Variants in USP34 observed in about 807,000 individuals in gnomAD.
The protein encoded by USP34 is ubiquitin specific peptidase 34, also known as ubiquitin carboxyl-terminal hydrolase 34.
In USP34, 70 loss-of-function variants were observed where a neutral mutation model predicts 460.3. The ratio of observed to expected loss-of-function variants is 0.15; its 90% CI spans 0.13 to 0.19. The LOEUF (loss-of-function observed/expected upper bound fraction) is 0.19, where lower values mean the gene tolerates loss of function less well. Ranked by LOEUF, USP34 falls within the 10% of genes least tolerant of loss-of-function variation. The pLI is 1.00. For missense variants in USP34, 3,985 were observed against 4,236.2 expected (o/e 0.94, Z 1.65); for synonymous variants, 1,647 against 1,405.3 (o/e 1.17, Z -3.85).
intron 75 of USP34, among the ~76,000 whole-genome samples, chr2:61,193,811 T>C (rs898525082): frequency 7.2e-5 from 11 of 152,144 alleles, no homozygotes; most frequent in African/African-American, 2.7e-4. Flanking sequence ...GTCAGCAAAC[T>C]TGTTCTGGGA....
At chr2:61,297,051 AGAAAT>A (rs1479237637) in intron 29 of USP34, 126 bp from the exon 30 acceptor site, 14 of 1,260,848 alleles carry the variant, frequency 1.1e-5, no homozygotes, top group East Asian at 2.5e-5. Flanking sequence ...TTGAAAAGTG[AGAAAT>A]GAAACATTTG....
rs745336513 is a variant in USP34, at chr2:61,294,926, T to C, written c.4461+23A>G. On this transcript the variant is annotated intron_variant, in intron 32 of 79. Transcript: ENST00000398571. ...AAGATAAATTATTTTTATCAATACATTGAAAAACACATATGATCAAACCTT... is the reference window on the plus strand; with the variant it reads ...AAGATAAATTATTTTTATCAATACACTGAAAAACACATATGATCAAACCTT... The C allele has an allele frequency of 1.6e-5, 25 of 1,585,118 alleles. No individual in the cohort carries two copies. In the Admixed American group the frequency reaches 1.8e-4, roughly 11 times the overall value.
At chr2:61,201,288 T>C (rs1373470973) in intron 75 of USP34, among the ~76,000 whole-genome samples, 1 of 148,240 alleles carries the variant, frequency 6.7e-6, no homozygotes, top group Non-Finnish European at 1.5e-5. Flanking sequence ...TGATCTCGGC[T>C]CACGGCAACC....
chr2:61,400,090 G>T (rs986783306), intron 3 of USP34, among the ~76,000 whole-genome samples: 2 of 148,402 alleles, frequency 1.3e-5, no homozygotes, highest in African/African-American at 5.0e-5. Context: ...AAATAAATGA[G>T]TAACTATACA....
At chr2:61,376,847 T>C (rs1692813861) in intron 8 of USP34, among the ~76,000 whole-genome samples, 1 of 152,226 alleles carries the variant, frequency 6.6e-6, no homozygotes, top group South Asian at 2.1e-4. Context: ...TTTCACCATG[T>C]TGGCCAGGCT....
intron 1 of USP34, among the ~76,000 whole-genome samples, chr2:61,429,968 C>T (rs1393389241): frequency 6.6e-6 from 1 of 152,130 alleles, no homozygotes; most frequent in African/African-American, 2.4e-5. Flanking sequence ...AATCCCAGCA[C>T]TTTGGGAGGC....
intron 41 of USP34, among the ~76,000 whole-genome samples, chr2:61,275,821 T>G (rs1689356823): frequency 6.6e-6 from 1 of 152,194 alleles, no homozygotes; most frequent in South Asian, 2.1e-4. Context: ...AGTTTCATCA[T>G]CTGTCAAAAT....
chr2:61,333,472 T>A (rs1428958950), intron 19 of USP34, among the ~76,000 whole-genome samples: 1 of 152,210 alleles, frequency 6.6e-6, no homozygotes, highest in Middle Eastern at 3.4e-3. Flanking sequence ...AGATTAGGCA[T>A]ACTCAACCTG....
chr2:61,299,911 C>T (rs1443700722), intron 29 of USP34, among the ~76,000 whole-genome samples: 1 of 152,196 alleles, frequency 6.6e-6, no homozygotes, highest in Non-Finnish European at 1.5e-5. Context: ...ATCTATCCTT[C>T]AGCTCAAATG....
At chr2:61,330,361 C>G (rs1691222889) in intron 20 of USP34, among the ~76,000 whole-genome samples, 1 of 152,168 alleles carries the variant, frequency 6.6e-6, no homozygotes, top group Admixed American at 6.5e-5. Context: ...AAAAATGCCT[C>G]AAGTCTCAAG....
chr2:61,243,713 A>T (rs1187197654), intron 51 of USP34, among the ~76,000 whole-genome samples: 11 of 152,000 alleles, frequency 7.2e-5, no homozygotes. Flanking sequence ...TCCACTTAAA[A>T]CACAAAAATT....
At chr2:61,193,094 A>T (rs1686687984) in intron 75 of USP34, 114 bp from the exon 76 acceptor site, 2 of 820,136 alleles carry the variant, frequency 2.4e-6, no homozygotes, top group Non-Finnish European at 3.8e-6. Flanking sequence ...CATATTTTCT[A>T]TATTTTAAAG....
chr2:61,335,038 C>T (rs1691375497), intron 18 of USP34, among the ~76,000 whole-genome samples: 1 of 152,094 alleles, frequency 6.6e-6, no homozygotes, highest in African/African-American at 2.4e-5. Context: ...CATCCCAAAG[C>T]ACTAAAACAT....
In USP34 at chr2:61,466,731, G is replaced by A. The variant is rs543787317; in HGVS notation, c.43+3919C>T. Among the ~76,000 whole-genome samples the A allele has an allele frequency of 1.2e-3, 176 of 152,110 alleles. 7 individuals are homozygous for A. In the South Asian group the frequency reaches 0.036, roughly 31 times the overall value. ...GTTTGAGACAAGCCTGGCCAACATG[G>A]CAAAATCCCACCTCTACTAAAAATA... On this transcript the variant is annotated intron_variant, in intron 1 of 79. Transcript: ENST00000398571.
rs569729823 is a variant in USP34 at position 61,336,649 on chromosome 2, A to G, written c.2745-2678T>C. Among the ~76,000 whole-genome samples, 9 of 151,878 alleles carry G rather than the reference A, an allele frequency of 5.9e-5. No homozygotes were observed. In the East Asian group the frequency reaches 1.6e-3, roughly 26 times the overall value. On this transcript the variant is annotated intron_variant, in intron 18 of 79. Coordinates refer to ENST00000398571, the MANE Select transcript of USP34 (RefSeq NM_014709.4). ...ACGTGGCAAAACCCCATCTCACCTA[A>G]AAATACAAAAGTTAGCTGGGCGTGG... is the stretch of plus-strand genomic sequence containing the variant.
chr2:61,364,324 C>G (rs189681987), intron 10 of USP34, among the ~76,000 whole-genome samples: 215 of 152,290 alleles, frequency 1.4e-3, no homozygotes, highest in African/African-American at 5.0e-3. Context: ...TGTAATTGTG[C>G]TGCTGCATCC....
chr2:61,461,501 G>A (rs1573068691), intron 1 of USP34, among the ~76,000 whole-genome samples: 1 of 151,696 alleles, frequency 6.6e-6, no homozygotes, highest in Non-Finnish European at 1.5e-5. Flanking sequence ...ACTAGTAATT[G>A]CTTAATACAT....
chr2:61,317,421 G>C (rs1031552440), intron 23 of USP34, among the ~76,000 whole-genome samples: 1 of 152,104 alleles, frequency 6.6e-6, no homozygotes, highest in Non-Finnish European at 1.5e-5. Flanking sequence ...CAGCTACTTC[G>C]GGGGCTGAGG....
intron 5 of USP34, among the ~76,000 whole-genome samples, chr2:61,386,977 AC>A (rs1302457508): frequency 6.6e-6 from 1 of 152,202 alleles, no homozygotes; most frequent in Non-Finnish European, 1.5e-5. Flanking sequence ...TATTGGCAAT[AC>A]ATATATCAAA....
Sources: gnomAD v4.1 joint callset for allele counts (sites outside exome capture counted in the v4.1 genomes callset) on GRCh38, gnomAD v4.1.1 for gene constraint, MANE v1.5 for transcripts, NCBI Gene and HGNC (gene_info 2026-07-23, HGNC 2026-07-21) for gene names.